The following TRAPPC8 variants were observed in gnomAD, a reference collection of about 807,000 sequenced individuals.
The protein encoded by TRAPPC8 is general sporulation gene 1 homolog.
A neutral mutation model predicts 174.3 loss-of-function variants in TRAPPC8; 54 were observed. The observed-to-expected ratio is 0.31, with a 90% CI of 0.25 to 0.39. The LOEUF (loss-of-function observed/expected upper bound fraction) is 0.39, where lower values mean the gene tolerates loss of function less well. TRAPPC8 is among the 10% of genes least tolerant of loss of function. The pLI is 1.00. For synonymous variants in TRAPPC8, 630 were observed against 579.9 expected (o/e 1.09, Z -1.24); for missense variants, 1,531 against 1,699.1 (o/e 0.90, Z 1.74).
At chr18:31,923,390 T>C (rs1171008952) in intron 2 of TRAPPC8, among the ~76,000 whole-genome samples, 1 of 152,182 alleles carries the variant, frequency 6.6e-6, no homozygotes, top group African/African-American at 2.4e-5. Context: ...TCCATCAATG[T>C]GTCTTTCCAA....
chr18:31,884,818 G>A (rs912220060), intron 12 of TRAPPC8, among the ~76,000 whole-genome samples: 1 of 151,780 alleles, frequency 6.6e-6, no homozygotes, highest in African/African-American at 2.4e-5. Context: ...ACCACGCTGG[G>A]CAACACAGTG....
intron 24 of TRAPPC8, 124 bp downstream of exon 24, chr18:31,852,322 G>T: frequency 9.6e-7 from 1 of 1,038,890 alleles, no homozygotes; most frequent in Non-Finnish European, 1.4e-6. Context: ...GGGAGACAGA[G>T]CAAGACCTTG....
chr18:31,917,658 G>T lies in TRAPPC8; in HGVS notation c.362C>A (p.Pro121Gln). Residue 121 changes from proline to glutamine, a missense_variant, in exon 3 of 29, where the codon CCA (proline) becomes CAA (glutamine). By Grantham distance (76) the Pro-to-Gln change is moderately conservative. Coordinates refer to ENST00000283351, the MANE Select transcript of TRAPPC8 (RefSeq NM_014939.5). ...DYDLNISATT[P>Q]WFESYRETFL... ...GGTTTCTCTGTAAGACTCAAACCAT[G>T]GAGTAGTGGCTAAAATTAACAATAT... is the stretch of plus-strand genomic sequence containing the variant. The T allele has an allele frequency of 6.2e-7, 1 of 1,612,144 alleles. No homozygotes were observed. Among genetic ancestry groups the T allele is most frequent in the Non-Finnish European group, 8.5e-7 (1 of 1,179,288 alleles).
At chr18:31,923,282 T>C (rs1043740308) in intron 2 of TRAPPC8, among the ~76,000 whole-genome samples, 1 of 151,954 alleles carries the variant, frequency 6.6e-6, no homozygotes, top group African/African-American at 2.4e-5. Context: ...AAACAGTACC[T>C]AAGTGGGGAA....
intron 20 of TRAPPC8, among the ~76,000 whole-genome samples, chr18:31,856,112 C>G (rs1359739791): frequency 6.7e-6 from 1 of 148,716 alleles, no homozygotes; most frequent in Admixed American, 6.7e-5. Context: ...CTTTCTCTCT[C>G]TTTTTTTTTT....
rs961107701 is a variant in TRAPPC8 at position 31,871,052 on chromosome 18, G to A, written c.2131C>T (p.Arg711Ter). 1.9e-6 allele frequency: 3 copies of A among 1,610,980 alleles called. No homozygotes were observed. Among genetic ancestry groups the A allele is most frequent in the Non-Finnish European group, 2.5e-6 (3 of 1,178,202 alleles). ...GAAACAACTTGTTCCTCAAGTTCTC[G>A]CCACTGCTGAGAGGATTCAGAATCA... ...EYDSESSQQW[R>*]ELEEQVVSVV... is the part of the protein sequence containing the mutation. Residue 711 changes from arginine (R) to a stop codon, truncating the protein, a stop_gained, in exon 15 of 29, where the codon CGA (arginine) becomes TGA (stop). Coordinates refer to ENST00000283351, the MANE Select transcript of TRAPPC8 (RefSeq NM_014939.5). LOFTEE classifies it high-confidence loss of function.
chr18:31,891,974 A>AGTAAT (rs1353861729), intron 11 of TRAPPC8, among the ~76,000 whole-genome samples: 1 of 152,214 alleles, frequency 6.6e-6, no homozygotes, highest in Non-Finnish European at 1.5e-5. Flanking sequence ...TGATTGCTCT[A>AGTAAT]GTAATTAAGA....
intron 1 of TRAPPC8, among the ~76,000 whole-genome samples, chr18:31,937,845 A>T (rs1184961229): frequency 1.3e-5 from 2 of 151,936 alleles, no homozygotes; most frequent in African/African-American, 4.8e-5. Context: ...CTGGGACTAC[A>T]AGCGCCCACC....
chr18:31,852,825 T>A, intron 22 of TRAPPC8, 162 bp from the exon 23 acceptor site: 1 of 633,574 alleles, frequency 1.6e-6, no homozygotes, highest in South Asian at 1.9e-5. Flanking sequence ...AAATGACCTC[T>A]TAAAAAGGAT....
At chr18:31,857,051 C>T (rs534392461) in intron 20 of TRAPPC8, among the ~76,000 whole-genome samples, 1 of 152,228 alleles carries the variant, frequency 6.6e-6, no homozygotes, top group Admixed American at 6.5e-5. Context: ...TTGATTTCTT[C>T]AGTGATCATC....
intron 2 of TRAPPC8, among the ~76,000 whole-genome samples, chr18:31,925,740 CA>C (rs2037587686): frequency 6.6e-6 from 1 of 152,142 alleles, no homozygotes; most frequent in Non-Finnish European, 1.5e-5. Context: ...AAACTTCTAA[CA>C]GCTGGAGGGC....
rs2034111093 is a variant in TRAPPC8, at chr18:31,857,832, C to T, written c.2896G>A (p.Val966Ile). 1 of 1,614,018 alleles carries T rather than the reference C, an allele frequency of 6.2e-7. No individual in the cohort carries two copies. The highest frequency in any genetic ancestry group is 8.5e-7 in the Non-Finnish European group (1 of 1,180,038). The change falls in exon 20 of 29, where the codon GTT becomes ATT. Residue 966 changes from valine (V) to isoleucine (I), a missense_variant. Physicochemically the swap from Val to Ile is conservative, Grantham distance 29 (BLOSUM62 3). Transcript: ENST00000283351. ...EFFTFGGNTA[V>I]LTPLSPSASE... ...GCTGAGGGACTTAGTGGTGTTAGAA[C>T]AGCAGTATTACCACCGAAAGTAAAG...
chr18:31,870,394 T>A lies in TRAPPC8; in HGVS notation c.2366A>T (p.Asp789Val), dbSNP rs778346361. The A allele has an allele frequency of 6.2e-7, 1 of 1,611,114 alleles. No homozygotes were observed. Among genetic ancestry groups the A allele is most frequent in the South Asian group, 1.1e-5 (1 of 90,242 alleles). The change falls in exon 16 of 29, where the codon GAT becomes GTT. Residue 789 changes from aspartate (D) to valine (V), a missense_variant. By Grantham distance (152) the Asp-to-Val change is radical. Transcript: ENST00000283351. ...KFHPKDFSGK[D>V]NEEVKQLVTS... The stretch of plus-strand genomic sequence containing the variant: ...TACTAGTTGTTTAACTTCTTCATTA[T>A]CCTTTCCACTGAAATCTTTAGGATG...
intron 9 of TRAPPC8, 108 bp downstream of exon 9, chr18:31,907,352 C>A: frequency 9.0e-7 from 1 of 1,115,060 alleles, no homozygotes; most frequent in Non-Finnish European, 1.2e-6. Context: ...GTACTATATG[C>A]TCTTTGAGTA....
chr18:31,871,777 A>G (rs74921065), intron 14 of TRAPPC8, among the ~76,000 whole-genome samples: 1,912 of 152,260 alleles, frequency 0.013, 39 homozygotes, highest in African/African-American at 0.043. Context: ...ATACAAAACC[A>G]TATCAATTAA....
chr18:31,851,563 C>T (rs1442120814), intron 24 of TRAPPC8, among the ~76,000 whole-genome samples: 1 of 151,666 alleles, frequency 6.6e-6, no homozygotes, highest in Non-Finnish European at 1.5e-5. Context: ...GTCTCTGACA[C>T]CCAGTCTGGT....
intron 22 of TRAPPC8, among the ~76,000 whole-genome samples, chr18:31,853,172 T>C (rs1293932247): frequency 6.6e-6 from 1 of 152,242 alleles, no homozygotes; most frequent in Admixed American, 6.5e-5. Flanking sequence ...AGTCAGTACG[T>C]AGGTATGGCT....
chr18:31,886,229 G>A (rs1409370211), intron 12 of TRAPPC8, among the ~76,000 whole-genome samples: 1 of 150,316 alleles, frequency 6.7e-6, no homozygotes, highest in Non-Finnish European at 1.5e-5. Flanking sequence ...GACTGGTCTC[G>A]AACTCCTGAC....
intron 12 of TRAPPC8, among the ~76,000 whole-genome samples, chr18:31,882,098 C>T (rs1229642786): frequency 6.6e-6 from 1 of 152,192 alleles, no homozygotes; most frequent in African/African-American, 2.4e-5. Flanking sequence ...AATCCCATTA[C>T]TAGGTATGTA....
Sources: gnomAD v4.1 joint callset for allele counts (sites outside exome capture counted in the v4.1 genomes callset) on GRCh38, gnomAD v4.1.1 for gene constraint, MANE v1.5 for transcripts, NCBI Gene and HGNC (gene_info 2026-07-23, HGNC 2026-07-21) for gene names.